AUTS2: variants seen among roughly 807,000 people sequenced by gnomAD.
The protein encoded by AUTS2 is autism susceptibility gene 2 protein.
A neutral mutation model predicts 112.4 loss-of-function variants in AUTS2; 17 were observed. The observed-to-expected ratio is 0.15, with a 90% confidence interval of 0.10 to 0.23. The LOEUF (loss-of-function observed/expected upper bound fraction) is 0.23. Among genes scored for constraint, AUTS2 ranks in the 10% least tolerant of loss-of-function variants. AUTS2 has a pLI of 1.00. For synonymous variants in AUTS2, 751 were observed against 702.7 expected (o/e 1.07, Z -1.09); for missense variants, 1,510 against 1,701.6 (o/e 0.89, Z 1.98).
rs749219477 is a variant in AUTS2 at position 70,698,552 on chromosome 7, C to T, written c.691-17C>T. 1 of 1,591,910 alleles carries T rather than the reference C, an allele frequency of 6.3e-7. No individual in the cohort carries two copies. Among genetic ancestry groups the T allele is most frequent in the Non-Finnish European group, 8.6e-7 (1 of 1,168,592 alleles). On this transcript the variant is annotated splice_polypyrimidine_tract_variant and intron_variant, in intron 5 of 18. Coordinates refer to ENST00000342771, the MANE Select transcript of AUTS2 (RefSeq NM_015570.4). ...AATGACAATAATAATGCTTTTTTCC[C>T]CCTTCTTGTTTTTCAGGCATCAGAT...
At chr7:69,755,203 C>T (rs1787899255) in intron 1 of AUTS2, among the ~76,000 whole-genome samples, 3 of 152,286 alleles carry the variant, frequency 2.0e-5, no homozygotes, top group South Asian at 2.1e-4. Flanking sequence ...TTTCCAGCCT[C>T]ATTTTATAAA....
At chr7:70,078,667 C>T (rs1475075873) in intron 2 of AUTS2, among the ~76,000 whole-genome samples, 5 of 152,108 alleles carry the variant, frequency 3.3e-5, no homozygotes, top group Admixed American at 3.3e-4. Context: ...AATTGAATGT[C>T]CTTCACTATC....
intron 5 of AUTS2, among the ~76,000 whole-genome samples, chr7:70,482,410 G>C (rs184785881): frequency 6.6e-6 from 1 of 152,284 alleles, no homozygotes; most frequent in Admixed American, 6.5e-5. Context: ...GAAGGGAAAG[G>C]AATTTGAGTA....
At chr7:70,131,858 T>G (rs1405644853) in intron 3 of AUTS2, among the ~76,000 whole-genome samples, 1 of 151,874 alleles carries the variant, frequency 6.6e-6, no homozygotes, top group Non-Finnish European at 1.5e-5. Context: ...ACTTTAATGG[T>G]GGGGTCCTGT....
At chr7:69,880,622 AAG>A (rs1370460925) in intron 1 of AUTS2, among the ~76,000 whole-genome samples, 1 of 152,208 alleles carries the variant, frequency 6.6e-6, no homozygotes, top group Non-Finnish European at 1.5e-5. Flanking sequence ...ATGGCAGAAA[AAG>A]AGGAAAATTT....
rs941939792 is a variant in AUTS2 at position 70,203,417 on chromosome 7, G to A, written c.660+68846G>A. On this transcript the variant is annotated intron_variant, in intron 4 of 18. Coordinates refer to ENST00000342771, the MANE Select transcript of AUTS2 (RefSeq NM_015570.4). ...GACTGACATTGTACTTTTCATTAAC[G>A]TGTTGAATGCCTAAAGAATGGAAGG... Among the ~76,000 whole-genome samples the A allele has an allele frequency of 1.4e-4, 21 of 148,952 alleles. No homozygotes were observed. In the South Asian group the frequency reaches 4.5e-3, roughly 32 times the overall value.
intron 4 of AUTS2, among the ~76,000 whole-genome samples, chr7:70,403,915 G>A (rs1312108600): frequency 6.6e-6 from 1 of 152,158 alleles, no homozygotes; most frequent in Non-Finnish European, 1.5e-5. Context: ...TAAAAGAACT[G>A]ATTTGGGGAA....
intron 1 of AUTS2, among the ~76,000 whole-genome samples, chr7:69,635,857 A>C (rs1157572109): frequency 3.3e-5 from 5 of 152,264 alleles, no homozygotes; most frequent in Non-Finnish European, 7.3e-5. Context: ...TTTAGGTAGC[A>C]CTATGAATGG....
chr7:70,162,827 T>A (rs1808162949), intron 4 of AUTS2, among the ~76,000 whole-genome samples: 1 of 152,344 alleles, frequency 6.6e-6, no homozygotes, highest in Middle Eastern at 3.4e-3. Flanking sequence ...TAACATTTGG[T>A]AAACCTCTTT....
At chr7:69,810,425 A>C (rs1008425564) in intron 1 of AUTS2, among the ~76,000 whole-genome samples, 8 of 151,820 alleles carry the variant, frequency 5.3e-5, no homozygotes, top group Admixed American at 5.3e-4. Context: ...AAATATTGCT[A>C]TTGCTATATT....
At chr7:70,735,017 AAG>A (rs1491316723) in intron 6 of AUTS2, among the ~76,000 whole-genome samples, 2 of 152,144 alleles carry the variant, frequency 1.3e-5, no homozygotes, top group African/African-American at 4.8e-5. Flanking sequence ...AAAAAAAAAA[AAG>A]AAGTCTAGCT....
chr7:70,164,273 T>C (rs1301293497), intron 4 of AUTS2, among the ~76,000 whole-genome samples: 1 of 152,082 alleles, frequency 6.6e-6, no homozygotes, highest in South Asian at 2.1e-4. Context: ...GTAATTGTTA[T>C]AAGTAGTAAA....
At chr7:70,648,241 C>A (rs566875551) in intron 5 of AUTS2, among the ~76,000 whole-genome samples, 1 of 152,104 alleles carries the variant, frequency 6.6e-6, no homozygotes, top group Admixed American at 6.6e-5. Flanking sequence ...AGTACTCCGC[C>A]CCCCTCCACC....
intron 2 of AUTS2, among the ~76,000 whole-genome samples, chr7:70,092,912 C>T (rs1803994536): frequency 1.3e-5 from 2 of 152,142 alleles, no homozygotes. Flanking sequence ...GGGAAGCAGG[C>T]TGGTGACTGC....
At chr7:69,816,032 C>T (rs60659484) in intron 1 of AUTS2, among the ~76,000 whole-genome samples, 3,262 of 152,288 alleles carry the variant, frequency 0.021, 111 homozygotes, top group African/African-American at 0.072. Context: ...ACCTGCTACA[C>T]AGTTTGCTAG....
At chr7:69,857,979 G>A (rs1792809234) in intron 1 of AUTS2, among the ~76,000 whole-genome samples, 1 of 152,200 alleles carries the variant, frequency 6.6e-6, no homozygotes, top group African/African-American at 2.4e-5. Context: ...CTTATGGGCA[G>A]TCTGATGGCA....
At chr7:69,782,912 G>C (rs1266639101) in intron 1 of AUTS2, among the ~76,000 whole-genome samples, 1 of 151,986 alleles carries the variant, frequency 6.6e-6, no homozygotes, top group South Asian at 2.1e-4. Flanking sequence ...TAATATTCTA[G>C]TTGTTTGGAT....
chr7:69,751,440 G>A (rs1787732553), intron 1 of AUTS2, among the ~76,000 whole-genome samples: 1 of 152,188 alleles, frequency 6.6e-6, no homozygotes, highest in South Asian at 2.1e-4. Flanking sequence ...CAAGAGTGAG[G>A]TGACAGGGAC....
At chr7:70,493,772 C>A (rs1562991780) in intron 5 of AUTS2, among the ~76,000 whole-genome samples, 2 of 151,950 alleles carry the variant, frequency 1.3e-5, no homozygotes, top group African/African-American at 2.4e-5. Context: ...AGTAAGTAAC[C>A]TTTCTTGGAA....
Sources: allele counts gnomAD v4.1 joint callset (sites outside exome capture counted in the v4.1 genomes callset), GRCh38; gene constraint gnomAD v4.1.1; transcripts MANE v1.5; gene names NCBI Gene and HGNC (gene_info 2026-07-23, HGNC 2026-07-21).